The following SOD1 variants were observed in gnomAD, a reference collection of about 807,000 sequenced individuals.
The protein encoded by SOD1 is superoxide dismutase [Cu-Zn].
In SOD1, 8 loss-of-function variants were observed where a neutral mutation model predicts 15.9. The ratio of observed to expected loss-of-function variants is 0.50; its 90% confidence interval spans 0.30 to 0.91. SOD1 has a LOEUF of 0.91. SOD1 is among the 40% of genes least tolerant of loss of function. The pLI is 0.07. For synonymous variants in SOD1, 86 were observed against 71.2 expected (o/e 1.21, Z -1.04); for missense variants, 137 against 194.5 (o/e 0.70, Z 1.76).
rs2049548426 is a variant in SOD1, at chr21:31,661,496, T to TG, written c.72+1658dup. 5 of 152,466 alleles carry TG rather than the reference T, an allele frequency of 3.3e-5. No homozygotes were observed. The South Asian group carries it at 1.0e-3, about 32-fold the overall frequency. The allele number at this position is 152,466 out of a possible 1,614,324, so 9.4% of individuals were successfully genotyped here. On this transcript the variant is annotated intron_variant, in intron 1 of 4. Transcript: ENST00000270142. ...CTCCTGCCTCAGCCTCCCGGGTAGC[T>TG]GGGACTACAGGCGCGCGCCGCCACG...
chr21:31,666,462 A>G lies in SOD1; in HGVS notation c.183A>G (p.Ala61=). 6.2e-7 allele frequency: 1 copy of G among 1,611,616 alleles called. No homozygotes were observed. Among genetic ancestry groups the G allele is most frequent in the Non-Finnish European group, 8.5e-7 (1 of 1,177,930 alleles). ...FGDNTAGCTS[A]GPHFNPLSRK... ...TCTTATAAATAGGCTGTACCAGTGC[A>G]GGTCCTCACTTTAATCCTCTATCCA... Residue 61 remains alanine, a synonymous_variant, in exon 3 of 5, where the codon GCA becomes GCG. Transcript: ENST00000270142.
chr21:31,667,766 C>T (rs1160265282), intron 4 of SOD1, among the ~76,000 whole-genome samples: 1 of 152,174 alleles, frequency 6.6e-6, no homozygotes, highest in Non-Finnish European at 1.5e-5. Flanking sequence ...TCATTCAGGA[C>T]TGCAGGTTAT....
chr21:31,668,825 GA>G lies in SOD1; in HGVS notation c.*248del, dbSNP rs1388491983. On this transcript the variant is annotated 3_prime_UTR_variant, in exon 5 of 5. Coordinates refer to ENST00000270142, the MANE Select transcript of SOD1 (RefSeq NM_000454.5). ...TGTATTTTGCCAGACTTAAATCACAGATGGGTATTAAACTTGTCAGAATTTC... is the reference window on the plus strand; with the variant it reads ...TGTATTTTGCCAGACTTAAATCACAGTGGGTATTAAACTTGTCAGAATTTC... 15 of 476,324 alleles carry G rather than the reference GA, an allele frequency of 3.1e-5. No individual in the cohort carries two copies. Among genetic ancestry groups the G allele is most frequent in the Non-Finnish European group, 5.7e-5 (15 of 261,466 alleles). 29.5% of individuals were successfully genotyped at this position (476,324 alleles called of 1,614,324 possible).
intron 1 of SOD1, chr21:31,661,704 C>T (rs1198809044): frequency 6.6e-6 from 1 of 152,336 alleles, no homozygotes; most frequent in African/African-American, 2.4e-5. Context: ...TCCCTTCTCC[C>T]TGGCCATTGA....
chr21:31,659,953 G>C (rs2049533468), intron 1 of SOD1, 112 bp downstream of exon 1: 5 of 1,097,254 alleles, frequency 4.6e-6, no homozygotes, highest in Non-Finnish European at 6.7e-6. Flanking sequence ...CCCTGGTCCA[G>C]CGCCCGGTCC....
chr21:31,664,645 G>A (rs2049577948), intron 2 of SOD1, among the ~76,000 whole-genome samples: 1 of 152,002 alleles, frequency 6.6e-6, no homozygotes, highest in Admixed American at 6.6e-5. Flanking sequence ...TTGAGACGGA[G>A]TCTTACTCTG....
chr21:31,660,208 CCTTG>C (rs2049536469), intron 1 of SOD1: 2 of 153,096 alleles, frequency 1.3e-5, no homozygotes, highest in South Asian at 4.1e-4. Flanking sequence ...TGTGCTCGTC[CCTTG>C]CTTGGCCGTG....
In SOD1 at chr21:31,659,731, A is replaced by G. The variant is rs17885940; in HGVS notation, c.-39A>G. 22 of 1,608,958 alleles carry G rather than the reference A, an allele frequency of 1.4e-5. No homozygotes were observed. The highest frequency in any genetic ancestry group is 1.6e-5 in the Non-Finnish European group (19 of 1,175,612). Reference sequence around the variant, plus strand: ...CTGCAGCGTCTGGGGTTTCCGTTGCAGTCCTCGGAACCAGGACCTCGGCGT... The same window carrying G: ...CTGCAGCGTCTGGGGTTTCCGTTGCGGTCCTCGGAACCAGGACCTCGGCGT... On this transcript the variant is annotated 5_prime_UTR_variant, in exon 1 of 5. Transcript: ENST00000270142.
Position 31,663,798 on chromosome 21 carries a change from T to C in SOD1, c.81T>C (p.Asn27=), listed in dbSNP as rs1489004175. The C allele has an allele frequency of 6.2e-6, 10 of 1,611,424 alleles. No homozygotes were observed. The highest frequency in any genetic ancestry group is 2.7e-5 in the African/African-American group (2 of 74,892). The change falls in exon 2 of 5, where the codon AAT becomes AAC. Residue 27 remains asparagine (N), a synonymous_variant. Coordinates refer to ENST00000270142, the MANE Select transcript of SOD1 (RefSeq NM_000454.5). ...GIINFEQKES[N]GPVKVWGSIK... ...TTGCACTTTTCTTAAAGGAAAGTAA[T>C]GGACCAGTGAAGGTGTGGGGAAGCA...
intron 1 of SOD1, among the ~76,000 whole-genome samples, chr21:31,663,119 CTTTTTCTTT>C (rs1305469996): frequency 1.7e-5 from 2 of 118,764 alleles, no homozygotes; most frequent in East Asian, 1.6e-3. Flanking sequence ...TCCAGGGCGA[CTTTTTCTTT>C]TTTTTTTTTT....
At chr21:31,659,899 C>T in intron 1 of SOD1, 58 bp downstream of exon 1, 1 of 1,562,620 alleles carries the variant, frequency 6.4e-7, no homozygotes, top group East Asian at 2.2e-5. Flanking sequence ...CGTCCCCCCG[C>T]GCACCTTTGC....
intron 1 of SOD1, chr21:31,660,122 A>AGGGGCG (rs901609623): frequency 4.3e-5 from 7 of 162,968 alleles, no homozygotes; most frequent in African/African-American, 1.7e-4. Context: ...CGGGCCGGGG[A>AGGGGCG]GGGGCGGGGG....
chr21:31,668,237 T>C lies in SOD1; in HGVS notation c.358-234T>C, dbSNP rs561175941. ...AACATAGTTATTTGGGTTTTAGTAT[T>C]TCATTTAGACAGCAACACTTACCTA... is the stretch of plus-strand genomic sequence containing the variant. On this transcript the variant is annotated intron_variant, in intron 4 of 4. Transcript: ENST00000270142. Among the ~76,000 whole-genome samples the C allele has an allele frequency of 1.2e-4, 18 of 152,328 alleles. 1 individual carries two copies. Among genetic ancestry groups the C allele is most frequent in the African/African-American group, 3.1e-4 (13 of 41,584 alleles).
intron 1 of SOD1, among the ~76,000 whole-genome samples, chr21:31,662,921 A>C (rs953734383): frequency 6.6e-6 from 1 of 152,110 alleles, no homozygotes; most frequent in African/African-American, 2.4e-5. Flanking sequence ...AGGCTGAGGC[A>C]GGAGAATGGC....
intron 2 of SOD1, among the ~76,000 whole-genome samples, chr21:31,665,797 G>C (rs994759400): frequency 6.6e-6 from 1 of 152,116 alleles, no homozygotes; most frequent in Non-Finnish European, 1.5e-5. Flanking sequence ...GGGGAGATGA[G>C]TTTTTTGTAA....
intron 2 of SOD1, chr21:31,664,445 G>T: frequency 5.6e-6 from 1 of 179,208 alleles, no homozygotes. Context: ...GCTTCTGAAG[G>T]TCCAGTGCCC....
In SOD1 at chr21:31,666,532, TAA is replaced by T; in HGVS notation, c.239+15_239+16del. The T allele has an allele frequency of 6.4e-7, 1 of 1,570,678 alleles. No individual in the cohort carries two copies. The highest frequency in any genetic ancestry group is 8.8e-7 in the Non-Finnish European group (1 of 1,141,246). On this transcript the variant is annotated intron_variant, in intron 3 of 4. Transcript: ENST00000270142. The stretch of plus-strand genomic sequence containing the variant: ...GGATGAAGAGAGGTAACAAGATGCT[TAA>T]CTCTTGTAATAATGGCGATAGCTTT...
Position 31,668,756 on chromosome 21 carries a change from GTA to G in SOD1, c.*181_*182del. On this transcript the variant is annotated 3_prime_UTR_variant, in exon 5 of 5. Transcript: ENST00000270142. ...TGATTTATGATCACTTGGAAGATTTGTATAGTTTTATAAAACTCAGTTAAAAT... is the reference window on the plus strand; with the variant it reads ...TGATTTATGATCACTTGGAAGATTTGTAGTTTTATAAAACTCAGTTAAAAT... 1 of 610,500 alleles carries G rather than the reference GTA, an allele frequency of 1.6e-6. No homozygotes were observed. The highest frequency in any genetic ancestry group is 1.9e-5 in the South Asian group (1 of 53,604). The allele number at this position is 610,500 out of a possible 1,614,324, so 37.8% of individuals were successfully genotyped here. A position where few individuals can be genotyped will look rare whatever the true frequency, so the allele number is the denominator to read the frequency against.
chr21:31,664,258 C>G lies in SOD1; in HGVS notation c.169+372C>G, dbSNP rs1260308787. Reference sequence around the variant, plus strand: ...AAAGTGCTGGGATTACATGTGTGAGCCACTGTGCCTGGGAAAACCCTCAAC... The same window carrying G: ...AAAGTGCTGGGATTACATGTGTGAGGCACTGTGCCTGGGAAAACCCTCAAC... On this transcript the variant is annotated intron_variant, in intron 2 of 4. Coordinates refer to ENST00000270142, the MANE Select transcript of SOD1 (RefSeq NM_000454.5). 3 of 284,444 alleles carry G rather than the reference C, an allele frequency of 1.1e-5. No individual in the cohort carries two copies. The Admixed American group carries it at 1.3e-4, about 12-fold the overall frequency. 17.6% of individuals were successfully genotyped at this position (284,444 alleles called of 1,614,324 possible).
Sources: gnomAD v4.1 joint callset for allele counts (sites outside exome capture counted in the v4.1 genomes callset) on GRCh38, gnomAD v4.1.1 for gene constraint, MANE v1.5 for transcripts, NCBI Gene and HGNC (gene_info 2026-07-23, HGNC 2026-07-21) for gene names.